Variants in ESRRG observed in about 807,000 individuals in gnomAD.
ESRRG encodes estrogen related receptor gamma.
ESRRG carries 13 observed loss-of-function variants against 44.0 expected under a neutral mutation model. The observed-to-expected ratio is 0.30, with a 90% CI of 0.19 to 0.47. The LOEUF (loss-of-function observed/expected upper bound fraction) is 0.47. Among genes scored for constraint, ESRRG ranks in the 20% least tolerant of loss-of-function variants. The probability of loss-of-function intolerance (pLI) is 1.00; values close to 1 mark genes in which losing one functional copy is unlikely to be tolerated. For missense variants in ESRRG, 395 were observed against 580.6 expected, an observed-to-expected ratio of 0.68 and a Z score of 3.29; for synonymous variants, 215 against 214.6, an observed-to-expected ratio of 1.00 and a Z score of -0.02.
chr1:216,884,690 G>A (rs1301459128), intron 2 of ESRRG, among the ~76,000 whole-genome samples: 1 of 152,206 alleles, frequency 6.6e-6, no homozygotes, highest in Non-Finnish European at 1.5e-5. Flanking sequence ...GATCCAAAGA[G>A]AAATGGACAT....
chr1:217,115,293 G>A (rs2092709598), intron 1 of ESRRG, among the ~76,000 whole-genome samples: 1 of 152,176 alleles, frequency 6.6e-6, no homozygotes, highest in Admixed American at 6.5e-5. Context: ...GACATGCCAT[G>A]TGGCTCCTAT....
intron 2 of ESRRG, among the ~76,000 whole-genome samples, chr1:216,758,023 C>T (rs890159116): frequency 6.6e-6 from 1 of 151,978 alleles, no homozygotes; most frequent in Non-Finnish European, 1.5e-5. Flanking sequence ...GAAAATCCTC[C>T]TTGGAAAACT....
intron 2 of ESRRG, among the ~76,000 whole-genome samples, chr1:216,755,100 A>G (rs998252222): frequency 4.6e-5 from 7 of 152,042 alleles, no homozygotes; most frequent in Non-Finnish European, 8.8e-5. Context: ...CGGATATTTT[A>G]TAGGTTCCAA....
intron 1 of ESRRG, among the ~76,000 whole-genome samples, chr1:217,100,886 T>C (rs922536640): frequency 1.3e-5 from 2 of 152,176 alleles, no homozygotes; most frequent in African/African-American, 2.4e-5. Context: ...GGGGATTACA[T>C]TTCAACAGGA....
At chr1:216,551,385 T>C (rs6604636) in intron 5 of ESRRG, among the ~76,000 whole-genome samples, 14,317 of 152,188 alleles carry the variant, frequency 0.094, 977 homozygotes, top group African/African-American at 0.19. Flanking sequence ...AAAGCTTATT[T>C]CCATATTCAG....
chr1:216,732,974 C>T (rs760850511), intron 2 of ESRRG, among the ~76,000 whole-genome samples: 5 of 151,652 alleles, frequency 3.3e-5, no homozygotes, highest in Admixed American at 6.6e-5. Flanking sequence ...GCCATACAAC[C>T]ACAGCAAAAT....
chr1:216,736,205 CAG>C (rs2089883499), intron 2 of ESRRG, among the ~76,000 whole-genome samples: 2 of 108,098 alleles, frequency 1.9e-5, no homozygotes, highest in Non-Finnish European at 3.5e-5. Context: ...TTTTTTGAGA[CAG>C]AGTCTCGCTC....
intron 2 of ESRRG, among the ~76,000 whole-genome samples, chr1:216,836,838 G>T (rs1186127765): frequency 6.6e-6 from 1 of 152,156 alleles, no homozygotes; most frequent in African/African-American, 2.4e-5. Flanking sequence ...AGAGTTGGTA[G>T]ATGGCTGAAA....
chr1:217,077,846 C>G (rs1421101774), intron 1 of ESRRG, among the ~76,000 whole-genome samples: 1 of 152,162 alleles, frequency 6.6e-6, no homozygotes, highest in African/African-American at 2.4e-5. Flanking sequence ...AATTACAATT[C>G]CTAATAAAAA....
At chr1:217,124,040 T>TA (rs1164183553) in intron 1 of ESRRG, among the ~76,000 whole-genome samples, 1 of 152,222 alleles carries the variant, frequency 6.6e-6, no homozygotes, top group African/African-American at 2.4e-5. Flanking sequence ...ACACCACATA[T>TA]AACCTTTACA....
At chr1:216,926,883 T>C (rs1306127759) in intron 2 of ESRRG, among the ~76,000 whole-genome samples, 2 of 152,094 alleles carry the variant, frequency 1.3e-5, no homozygotes, top group South Asian at 2.1e-4. Context: ...TGCTGAATGC[T>C]GAATGCAGCA....
intron 1 of ESRRG, among the ~76,000 whole-genome samples, chr1:216,696,144 A>G (rs1187086709): frequency 1.3e-5 from 2 of 152,240 alleles, no homozygotes; most frequent in East Asian, 1.9e-4. Flanking sequence ...TCTGAGGGAA[A>G]AAAATTACAA....
intron 1 of ESRRG, among the ~76,000 whole-genome samples, chr1:216,980,561 G>A (rs1012109853): frequency 2.0e-5 from 3 of 152,032 alleles, no homozygotes; most frequent in African/African-American, 7.2e-5. Context: ...CAACTCCACG[G>A]GAACTGTACT....
intron 2 of ESRRG, among the ~76,000 whole-genome samples, chr1:216,654,761 G>A (rs942125650): frequency 6.6e-6 from 1 of 151,814 alleles, no homozygotes; most frequent in Non-Finnish European, 1.5e-5. Context: ...AGTAAAGTGT[G>A]AATAAAAGAG....
chr1:216,520,982 G>A (rs1195136336), intron 5 of ESRRG, among the ~76,000 whole-genome samples: 1 of 152,124 alleles, frequency 6.6e-6, no homozygotes, highest in Non-Finnish European at 1.5e-5. Context: ...ACAGTGGTTT[G>A]CCATTTGGTA....
chr1:216,687,732 G>T (rs1262032358), intron 1 of ESRRG, among the ~76,000 whole-genome samples: 1 of 152,184 alleles, frequency 6.6e-6, no homozygotes. Flanking sequence ...CTGCCACATT[G>T]TGGCCGTGTC....
intron 2 of ESRRG, among the ~76,000 whole-genome samples, chr1:216,929,233 A>C (rs1478766021): frequency 4.7e-5 from 7 of 149,506 alleles, no homozygotes; most frequent in African/African-American, 1.7e-4. Context: ...TGGTGGTAAA[A>C]GTTGGTCACT....
At chr1:216,987,521 C>A (rs752995845) in intron 1 of ESRRG, among the ~76,000 whole-genome samples, 30 of 152,150 alleles carry the variant, frequency 2.0e-4, no homozygotes, top group Non-Finnish European at 3.1e-4. Context: ...GAGGTGAAAT[C>A]AAATTTCAGG....
intron 1 of ESRRG, among the ~76,000 whole-genome samples, chr1:217,071,204 T>C (rs187290684): frequency 3.5e-4 from 54 of 152,326 alleles, no homozygotes; most frequent in Admixed American, 3.1e-3. Flanking sequence ...GACTTTTGAA[T>C]ACCCTAGAAT....
Sources: allele counts gnomAD v4.1 joint callset (sites outside exome capture counted in the v4.1 genomes callset), GRCh38; gene constraint gnomAD v4.1.1; transcripts MANE v1.5; gene names NCBI Gene and HGNC (gene_info 2026-07-23, HGNC 2026-07-21).